Variants in AGBL1 observed in about 807,000 individuals in gnomAD.
AGBL1 encodes AGBL carboxypeptidase 1.
A neutral mutation model predicts 118.9 loss-of-function variants in AGBL1; 130 were observed. The observed-to-expected ratio is 1.09, with a 90% confidence interval of 0.95 to 1.26. The LOEUF (loss-of-function observed/expected upper bound fraction) is 1.26, where lower values mean the gene tolerates loss of function less well. Among genes scored for constraint, AGBL1 ranks in the 50% most tolerant of loss-of-function variants. The probability of loss-of-function intolerance (pLI) is 0.00; values close to 1 mark genes in which losing one functional copy is unlikely to be tolerated. For missense variants in AGBL1, 1,584 were observed against 1,298.1 expected (o/e 1.22, Z -3.38); for synonymous variants, 555 against 478.9 (o/e 1.16, Z -2.08).
chr15:86,420,692 A>T (rs1011215761), intron 18 of AGBL1, among the ~76,000 whole-genome samples: 1 of 152,314 alleles, frequency 6.6e-6, no homozygotes, highest in East Asian at 1.9e-4. Flanking sequence ...TTCTAACCCA[A>T]TGCAAGGAAG....
At chr15:86,266,905 A>C in intron 12 of AGBL1, 85 bp from the exon 13 acceptor site, 1 of 1,194,656 alleles carries the variant, frequency 8.4e-7, no homozygotes, top group Non-Finnish European at 1.2e-6. Context: ...GTCTCAAAAA[A>C]ATAATAATGA....
Position 86,143,857 on chromosome 15 carries a change from C to G in AGBL1, c.262+12C>G. 1 of 1,612,906 alleles carries G rather than the reference C, an allele frequency of 6.2e-7. No homozygotes were observed. The highest frequency in any genetic ancestry group is 8.5e-7 in the Non-Finnish European group (1 of 1,179,302). On this transcript the variant is annotated intron_variant, in intron 3 of 22. Transcript: ENST00000614907. ...AGTTGGCCTAAGAGGTACTCGTACT[C>G]CAAGACCTAAAGCTGACTGAAAAGG...
At chr15:86,866,426 C>T (rs148109941) in intron 22 of AGBL1, among the ~76,000 whole-genome samples, 105 of 152,286 alleles carry the variant, frequency 6.9e-4, no homozygotes, top group African/African-American at 2.4e-3. Flanking sequence ...TGTGACAAAA[C>T]CAGGTTGGGG....
intron 17 of AGBL1, 30 bp from the exon 18 acceptor site, chr15:86,397,336 T>C (rs375069663): frequency 6.3e-6 from 9 of 1,423,916 alleles, no homozygotes; most frequent in Non-Finnish European, 2.8e-6. Context: ...AAAATTTGGG[T>C]TTAATTTTCT....
At chr15:86,896,189 T>C (rs925058837) in intron 22 of AGBL1, among the ~76,000 whole-genome samples, 1 of 152,148 alleles carries the variant, frequency 6.6e-6, no homozygotes, top group African/African-American at 2.4e-5. Context: ...TTATTAATTA[T>C]TTCAAATATA....
At chr15:86,193,596 A>G (rs2077755715) in intron 5 of AGBL1, among the ~76,000 whole-genome samples, 1 of 152,042 alleles carries the variant, frequency 6.6e-6, no homozygotes, top group African/African-American at 2.4e-5. Flanking sequence ...AGAGTGGGGG[A>G]CTGCATCTGT....
chr15:86,843,520 T>G (rs956560864), intron 22 of AGBL1, among the ~76,000 whole-genome samples: 7 of 152,040 alleles, frequency 4.6e-5, no homozygotes, highest in African/African-American at 1.7e-4. Context: ...ACCCCGTTTT[T>G]TTTTGTTTGT....
In AGBL1 at chr15:86,483,595, T is replaced by G. The variant is rs932358164; in HGVS notation, c.2556-39215T>G. Among the ~76,000 whole-genome samples, 4 of 152,184 alleles carry G rather than the reference T, an allele frequency of 2.6e-5. No individual in the cohort carries two copies. The East Asian group carries it at 7.8e-4, about 30-fold the overall frequency. ...GGGAGCTTAAAATTTTATTTTTATT[T>G]TTCATTCAGTTTCAGGCTTGCTCCA... is the stretch of plus-strand genomic sequence containing the variant. On this transcript the variant is annotated intron_variant, in intron 18 of 22. Transcript: ENST00000614907.
At chr15:86,812,929 A>G (rs1426003900) in intron 22 of AGBL1, among the ~76,000 whole-genome samples, 2 of 149,026 alleles carry the variant, frequency 1.3e-5, no homozygotes, top group African/African-American at 2.5e-5. Context: ...TAAAGGAGAG[A>G]TTTTTTTTTT....
At chr15:86,648,719 G>C (rs1404166543) in intron 21 of AGBL1, among the ~76,000 whole-genome samples, 3 of 152,246 alleles carry the variant, frequency 2.0e-5, no homozygotes, top group Non-Finnish European at 4.4e-5. Context: ...TAAGAAACGA[G>C]GTAGAAGGAA....
Position 86,264,711 on chromosome 15 carries a change from T to C in AGBL1, c.1540T>C (p.Tyr514His). The part of the protein sequence containing the change: ...KRVPFHDPYL[Y>H]MAKARRTSSV... ...TGTCCCTTTCCACGATCCCTATCTT[T>C]ATATGGCCAAAGCCAGAAGAACCAG... Residue 514 changes from tyrosine to histidine, a missense_variant, in exon 11 of 23, where the codon TAT becomes CAT. By Grantham distance (83) the Tyr-to-His change is moderately conservative. Transcript: ENST00000614907. 4 of 1,614,026 alleles carry C rather than the reference T, an allele frequency of 2.5e-6. No individual in the cohort carries two copies. Among genetic ancestry groups the C allele is most frequent in the Non-Finnish European group, 3.4e-6 (4 of 1,179,894 alleles).
intron 5 of AGBL1, among the ~76,000 whole-genome samples, chr15:86,220,503 C>T (rs144837588): frequency 6.6e-4 from 101 of 152,244 alleles, no homozygotes; most frequent in African/African-American, 2.3e-3. Flanking sequence ...AACTTGAAGA[C>T]GTAAATTGAA....
chr15:86,767,517 C>G (rs750885821), intron 22 of AGBL1, among the ~76,000 whole-genome samples: 3 of 151,846 alleles, frequency 2.0e-5, no homozygotes, highest in Non-Finnish European at 4.4e-5. Flanking sequence ...CAGGAGGTAG[C>G]AAATATTTCA....
At chr15:86,517,964 A>T (rs1329277532) in intron 18 of AGBL1, among the ~76,000 whole-genome samples, 1 of 152,082 alleles carries the variant, frequency 6.6e-6, no homozygotes, top group Non-Finnish European at 1.5e-5. Flanking sequence ...TTCACCTAGG[A>T]TGTACAGTGA....
chr15:86,711,637 C>G (rs971470175), intron 22 of AGBL1, among the ~76,000 whole-genome samples: 1 of 152,102 alleles, frequency 6.6e-6, no homozygotes, highest in African/African-American at 2.4e-5. Context: ...TAGGTCATGG[C>G]AAAGAACAGG....
intron 6 of AGBL1, among the ~76,000 whole-genome samples, chr15:86,245,542 C>T (rs2078706602): frequency 6.6e-6 from 1 of 152,096 alleles, no homozygotes; most frequent in South Asian, 2.1e-4. Context: ...ACATGCTTGT[C>T]CACCAACCCT....
intron 18 of AGBL1, among the ~76,000 whole-genome samples, chr15:86,480,177 TAACA>T (rs1235271992): frequency 5.3e-5 from 8 of 152,176 alleles, no homozygotes; most frequent in Admixed American, 5.2e-4. Context: ...ATGGCACATG[TAACA>T]AACCTGCACG....
chr15:86,225,020 C>A, intron 6 of AGBL1, 69 bp downstream of exon 6: 1 of 1,472,210 alleles, frequency 6.8e-7, no homozygotes, highest in Non-Finnish European at 9.3e-7. Context: ...CTTTCTGGTC[C>A]CCATGGCTGT....
chr15:86,253,319 T>A (rs1442818741), intron 7 of AGBL1, among the ~76,000 whole-genome samples: 1 of 152,184 alleles, frequency 6.6e-6, no homozygotes, highest in African/African-American at 2.4e-5. Flanking sequence ...AGTGTGATCT[T>A]GGCTCACTGC....
Sources: allele counts gnomAD v4.1 joint callset (sites outside exome capture counted in the v4.1 genomes callset), GRCh38; gene constraint gnomAD v4.1.1; transcripts MANE v1.5; gene names NCBI Gene and HGNC (gene_info 2026-07-23, HGNC 2026-07-21).